AAMDC: variants seen among roughly 807,000 people sequenced by gnomAD.
The protein encoded by AAMDC is mth938 domain-containing protein.
In AAMDC, 16 loss-of-function variants were observed where a neutral mutation model predicts 15.5. That is an observed-to-expected ratio of 1.03 (90% confidence interval 0.70 to 1.57). AAMDC has a LOEUF of 1.57. Among genes scored for constraint, AAMDC ranks in the 40% most tolerant of loss-of-function variants. The pLI is 0.00. For synonymous variants in AAMDC, 51 were observed against 51.6 expected, an observed-to-expected ratio of 0.99 and a Z score of 0.05; for missense variants, 141 against 144.9, an observed-to-expected ratio of 0.97 and a Z score of 0.14.
chr11:77,900,100 C>CT (rs139576778), intron 5 of AAMDC, among the ~76,000 whole-genome samples: 34,094 of 147,410 alleles, frequency 0.23, 3,891 homozygotes, highest in Middle Eastern at 0.3. Flanking sequence ...ATATGAATAT[C>CT]TTTTTTTTTT....
chr11:77,863,948 C>T (rs1950996109), intron 2 of AAMDC, among the ~76,000 whole-genome samples: 1 of 149,630 alleles, frequency 6.7e-6, no homozygotes, highest in Admixed American at 6.6e-5. Flanking sequence ...TTTTTTGAGA[C>T]AGAGTTTCAC....
intron 5 of AAMDC, among the ~76,000 whole-genome samples, chr11:77,894,531 CCTGAT>C (rs1565228387): frequency 1.3e-5 from 2 of 152,176 alleles, no homozygotes; most frequent in Non-Finnish European, 2.9e-5. Flanking sequence ...GATCCCAAGA[CCTGAT>C]TAAACCACTG....
At chr11:77,888,704 C>T (rs1952126564) in intron 5 of AAMDC, among the ~76,000 whole-genome samples, 1 of 152,040 alleles carries the variant, frequency 6.6e-6, no homozygotes, top group Admixed American at 6.6e-5. Context: ...CCAGAATCTA[C>T]AATGAACTCA....
chr11:77,875,128 C>CAAAG (rs964294365), downstream of AAMDC, among the ~76,000 whole-genome samples: 1 of 152,034 alleles, frequency 6.6e-6, no homozygotes, highest in African/African-American at 2.4e-5. Flanking sequence ...TCAATCATCT[C>CAAAG]AAAGCAAATA....
At chr11:77,835,118 C>A (rs1949624902) in intron 1 of AAMDC, among the ~76,000 whole-genome samples, 1 of 152,190 alleles carries the variant, frequency 6.6e-6, no homozygotes, top group South Asian at 2.1e-4. Context: ...ACAGATAGAT[C>A]TAGCATTGTT....
At chr11:77,846,796 GT>G in intron 2 of AAMDC, among the ~76,000 whole-genome samples, 1 of 152,196 alleles carries the variant, frequency 6.6e-6, no homozygotes, top group South Asian at 2.1e-4. Context: ...AAAGGTCCTT[GT>G]TTTTTAATTT....
chr11:77,905,576 GAGT>G (rs1952924682), downstream of AAMDC, among the ~76,000 whole-genome samples: 3 of 152,212 alleles, frequency 2.0e-5, no homozygotes, highest in South Asian at 6.2e-4. Flanking sequence ...TATAAGCATT[GAGT>G]GTGTACACAA....
intron 5 of AAMDC, among the ~76,000 whole-genome samples, chr11:77,877,383 T>C (rs1951628131): frequency 6.6e-6 from 1 of 152,366 alleles, no homozygotes; most frequent in East Asian, 1.9e-4. Context: ...CTTGCTATTA[T>C]TTTTATAAGC....
At chr11:77,894,244 C>T in intron 5 of AAMDC, 1 of 1,006,168 alleles carries the variant, frequency 9.9e-7, no homozygotes, top group South Asian at 1.4e-5. Context: ...TGCTATACTC[C>T]ATGTAACCAA....
intron 2 of AAMDC, among the ~76,000 whole-genome samples, chr11:77,858,268 C>A: frequency 7.0e-6 from 1 of 143,538 alleles, no homozygotes; most frequent in African/African-American, 2.6e-5. Context: ...AATCTCGGCT[C>A]ACTACAACCT....
At chr11:77,825,888 C>T (rs1949147668) in intron 1 of AAMDC, among the ~76,000 whole-genome samples, 1 of 152,042 alleles carries the variant, frequency 6.6e-6, no homozygotes, top group Admixed American at 6.5e-5. Context: ...GATGGGGTTT[C>T]ACTACGTTGG....
intron 1 of AAMDC, among the ~76,000 whole-genome samples, chr11:77,825,008 T>C (rs1428836113): frequency 6.6e-6 from 1 of 152,096 alleles, no homozygotes; most frequent in Non-Finnish European, 1.5e-5. Flanking sequence ...TGAGACAGAG[T>C]CTCACTCTAT....
chr11:77,867,102 A>G (rs1268211624), intron 2 of AAMDC, among the ~76,000 whole-genome samples: 1 of 152,146 alleles, frequency 6.6e-6, no homozygotes, highest in Non-Finnish European at 1.5e-5. Flanking sequence ...TGGCCTCCCA[A>G]AGTGCTGGGA....
At chr11:77,863,059 G>A (rs1447559090) in intron 2 of AAMDC, among the ~76,000 whole-genome samples, 2 of 152,132 alleles carry the variant, frequency 1.3e-5, no homozygotes, top group Admixed American at 1.3e-4. Flanking sequence ...CAAGCCTCGT[G>A]TTCTCTGACC....
At chr11:77,874,211 T>C (rs1951536390), downstream of AAMDC, among the ~76,000 whole-genome samples, 1 of 152,198 alleles carries the variant, frequency 6.6e-6, no homozygotes. Flanking sequence ...ACACCCAGCA[T>C]TGAAGTCTCG....
chr11:77,863,930 T>A, intron 2 of AAMDC, among the ~76,000 whole-genome samples: 1 of 151,712 alleles, frequency 6.6e-6, no homozygotes, highest in East Asian at 1.9e-4. Context: ...TTCAAGATGA[T>A]CCCTTTTTTT....
intron 1 of AAMDC, among the ~76,000 whole-genome samples, chr11:77,832,951 ATGTGTGTGTGTGTG>A (rs146936151): frequency 0.15 from 9,937 of 68,110 alleles, 1,410 homozygotes; most frequent in Non-Finnish European, 0.18. Context: ...GTATATATAT[ATGTGTGTGTGTGTG>A]TGTGTGTGTG....
chr11:77,887,687 C>T (rs1952076553), intron 5 of AAMDC, among the ~76,000 whole-genome samples: 1 of 152,052 alleles, frequency 6.6e-6, no homozygotes, highest in South Asian at 2.1e-4. Flanking sequence ...CGTCTCAGCC[C>T]AAAATCTCCT....
At chr11:77,887,612 G>C (rs1952071684) in intron 5 of AAMDC, among the ~76,000 whole-genome samples, 1 of 152,120 alleles carries the variant, frequency 6.6e-6, no homozygotes, top group South Asian at 2.1e-4. Flanking sequence ...TATTCAATTA[G>C]GAAAAGAGGA....
Sources: allele counts gnomAD v4.1 joint callset (sites outside exome capture counted in the v4.1 genomes callset), GRCh38; gene constraint gnomAD v4.1.1; transcripts MANE v1.5; gene names NCBI Gene and HGNC (gene_info 2026-07-23, HGNC 2026-07-21).